NACC2: variants seen among roughly 807,000 people sequenced by gnomAD.
The protein encoded by NACC2 is NACC family member 2, also known as nucleus accumbens-associated protein 2.
Under a neutral mutation model 25.1 loss-of-function variants are expected in NACC2, and 8 were observed. The observed-to-expected ratio is 0.32, with a 90% CI of 0.19 to 0.57. The LOEUF (loss-of-function observed/expected upper bound fraction) is 0.57, where lower values mean the gene tolerates loss of function less well. Ranked by LOEUF, NACC2 falls within the 20% of genes least tolerant of loss-of-function variation. NACC2 has a pLI of 0.89. For missense variants in NACC2, 644 were observed against 650.2 expected (o/e 0.99, Z 0.10); for synonymous variants, 435 against 294.7 (o/e 1.48, Z -4.88).
At position 136,086,463 on chromosome 9, in the gene NACC2, C is replaced by T. The variant is rs1441380606; in HGVS notation, c.-60+8726G>A. On this transcript the variant is annotated intron_variant, in intron 1 of 5. Transcript: ENST00000277554. This position sits in a 1 kb window ranked among gnomAD's most constrained non-coding sequence, Gnocchi z 5.6. ...CAGGTCTGCGAGCGGCTGGGCTTCC[C>T]TGAGGTCTGGCTTGGTGTGGGCCCC... is the stretch of plus-strand genomic sequence containing the variant. Among the ~76,000 whole-genome samples the T allele has an allele frequency of 6.6e-6, 1 of 152,116 alleles. No individual in the cohort carries two copies. The highest frequency in any genetic ancestry group is 1.5e-5 in the Non-Finnish European group (1 of 68,006).
intron 1 of NACC2, among the ~76,000 whole-genome samples, chr9:136,057,070 G>T (rs1389610017): frequency 6.6e-6 from 1 of 152,204 alleles, no homozygotes; most frequent in Admixed American, 6.5e-5. Flanking sequence ...GGAGGGCTGG[G>T]AGGACGCTCC....
At chr9:136,058,764 C>T (rs1415828364) in intron 1 of NACC2, among the ~76,000 whole-genome samples, 1 of 152,260 alleles carries the variant, frequency 6.6e-6, no homozygotes, top group African/African-American at 2.4e-5. Flanking sequence ...TCAACTCACA[C>T]AGCACCAGAG....
At chr9:136,062,114 A>ACAGGACAG (rs1841019217) in intron 1 of NACC2, among the ~76,000 whole-genome samples, 29 of 142,558 alleles carry the variant, frequency 2.0e-4, no homozygotes, top group African/African-American at 7.2e-4. Flanking sequence ...CAACAGAGCG[A>ACAGGACAG]GACAGGACAG....
intron 1 of NACC2, among the ~76,000 whole-genome samples, chr9:136,061,379 G>A (rs1444194193): frequency 6.6e-6 from 1 of 152,108 alleles, no homozygotes; most frequent in Non-Finnish European, 1.5e-5. Context: ...TCAGATAGAG[G>A]GGTCCCCTCC....
rs982754760 is a variant in NACC2, at chr9:136,055,510, G to A, written c.-59-4930C>T. Among the ~76,000 whole-genome samples the A allele has an allele frequency of 6.6e-6, 1 of 152,114 alleles. No individual in the cohort carries two copies. The highest frequency in any genetic ancestry group is 2.4e-5 in the African/African-American group (1 of 41,416). ...GGCAGCTCCATGGTCTGAGGGCCTCGCCCAGAGTCCCCAGAAACCCTGCCC... is the reference window on the plus strand; with the variant it reads ...GGCAGCTCCATGGTCTGAGGGCCTCACCCAGAGTCCCCAGAAACCCTGCCC... On this transcript the variant is annotated intron_variant, in intron 1 of 5. Coordinates refer to ENST00000277554, the MANE Select transcript of NACC2 (RefSeq NM_144653.5). The surrounding 1 kb of genome is among the most constrained non-coding windows in gnomAD (Gnocchi z 4.9).
At chr9:136,052,574 A>G (rs1840862445) in intron 1 of NACC2, among the ~76,000 whole-genome samples, 1 of 152,124 alleles carries the variant, frequency 6.6e-6, no homozygotes, top group African/African-American at 2.4e-5. Flanking sequence ...TGGGGGCCTT[A>G]GAGCTGTGTC....
At chr9:136,044,925 G>A (rs1483713665) in intron 2 of NACC2, among the ~76,000 whole-genome samples, 29 of 152,308 alleles carry the variant, frequency 1.9e-4, no homozygotes, top group East Asian at 9.7e-4. Context: ...GGGGATGGAC[G>A]GGGCCAGTGC....
intron 2 of NACC2, among the ~76,000 whole-genome samples, chr9:136,035,178 T>C (rs1056776760): frequency 3.3e-5 from 5 of 151,974 alleles, no homozygotes; most frequent in African/African-American, 2.4e-5. Flanking sequence ...AATACTAGAA[T>C]TAATGGATGG....
At chr9:136,062,114 A>ACAGGACAGGACAGGACAGGACAG (rs1841019217) in intron 1 of NACC2, among the ~76,000 whole-genome samples, 1 of 142,450 alleles carries the variant, frequency 7.0e-6, no homozygotes, top group African/African-American at 2.7e-5. Context: ...CAACAGAGCG[A>ACAGGACAGGACAGGACAGGACAG]GACAGGACAG....
chr9:136,094,985 G>A (rs1257105301), intron 1 of NACC2, among the ~76,000 whole-genome samples: 2 of 146,052 alleles, frequency 1.4e-5, no homozygotes, highest in Non-Finnish European at 3.0e-5. Flanking sequence ...CCCCCTCCGC[G>A]GGCTCCCGAG....
At chr9:136,067,152 G>C (rs190894418) in intron 1 of NACC2, among the ~76,000 whole-genome samples, 7 of 152,172 alleles carry the variant, frequency 4.6e-5, no homozygotes, top group Non-Finnish European at 1.0e-4. Context: ...TACTCGGGAG[G>C]CTGAGGCAGG....
chr9:136,034,594 GGCTAGGAACCAGAAAGTCTA>G (rs1840524543), intron 2 of NACC2, among the ~76,000 whole-genome samples: 1 of 152,004 alleles, frequency 6.6e-6, no homozygotes, highest in African/African-American at 2.4e-5. Flanking sequence ...CTGATTCTAG[GGCTAGGAACCAGAAAGTCTA>G]GGATGCGCCT....
At chr9:136,049,071 A>G (rs1276006245) in intron 2 of NACC2, among the ~76,000 whole-genome samples, 2 of 152,212 alleles carry the variant, frequency 1.3e-5, no homozygotes, top group African/African-American at 4.8e-5. Flanking sequence ...GGAATCTCCA[A>G]TTAGGGCAAC....
At position 136,013,168 on chromosome 9, in the gene NACC2, C is replaced by CCCCCCCCCCCCAG; in HGVS notation, c.1255+30_1255+31insCTGGGGGGGGGGG. ...CTGGGATCTGAACCCAGCCCCGGCC[C>CCCCCCCCCCCCAG]CACCCACCCGAGAGACCCCCAGGCT... On this transcript the variant is annotated intron_variant, in intron 5 of 5. Transcript: ENST00000277554. This position sits in a 1 kb window ranked among gnomAD's most constrained non-coding sequence, Gnocchi z 6.6. 2 of 1,009,254 alleles carry CCCCCCCCCCCCAG rather than the reference C, an allele frequency of 2.0e-6. No homozygotes were observed. Among genetic ancestry groups the CCCCCCCCCCCCAG allele is most frequent in the Non-Finnish European group, 3.1e-6 (2 of 637,930 alleles). 62.5% of individuals were successfully genotyped at this position (1,009,254 alleles called of 1,614,324 possible).
At chr9:136,091,400 G>A (rs1370117962) in intron 1 of NACC2, among the ~76,000 whole-genome samples, 1 of 152,200 alleles carries the variant, frequency 6.6e-6, no homozygotes, top group Non-Finnish European at 1.5e-5. Context: ...GGTTCTGGCT[G>A]CCAAGTGCTC....
chr9:136,011,704 AGGC>A lies in NACC2; in HGVS notation c.1573_1575del (p.Ala525del). 1 of 1,502,038 alleles carries A rather than the reference AGGC, an allele frequency of 6.7e-7. No homozygotes were observed. The highest frequency in any genetic ancestry group is 8.9e-7 in the Non-Finnish European group (1 of 1,127,790). 93.0% of individuals were successfully genotyped at this position (1,502,038 alleles called of 1,614,324 possible). A position where few individuals can be genotyped will look rare whatever the true frequency, so the allele number is the denominator to read the frequency against. The stretch of plus-strand genomic sequence containing the variant: ...CCGTCCACCTCCTCGCCGGCGTCGA[AGGC>A]GGGGTTGGCGGCGGCACTCAGGTCA... On this transcript the variant is annotated inframe_deletion, in exon 6 of 6. Coordinates refer to ENST00000277554, the MANE Select transcript of NACC2 (RefSeq NM_144653.5).
chr9:136,083,570 G>T (rs1193098673), intron 1 of NACC2, among the ~76,000 whole-genome samples: 1 of 152,256 alleles, frequency 6.6e-6, no homozygotes, highest in East Asian at 1.9e-4. Flanking sequence ...TCTGAGAAGG[G>T]AAAACGCGGA....
intron 3 of NACC2, among the ~76,000 whole-genome samples, chr9:136,014,990 G>T (rs959787199): frequency 7.1e-4 from 8 of 11,306 alleles, no homozygotes; most frequent in African/African-American, 2.1e-3. Context: ...TGTCCTGAAG[G>T]ACACGATGTC....
In NACC2 at chr9:136,013,097, G is replaced by C; in HGVS notation, c.1255+102C>G. On this transcript the variant is annotated intron_variant, in intron 5 of 5. Coordinates refer to ENST00000277554, the MANE Select transcript of NACC2 (RefSeq NM_144653.5). This position sits in a 1 kb window ranked among gnomAD's most constrained non-coding sequence, Gnocchi z 6.6. Reference sequence around the variant, plus strand: ...TGCTCGGCCCCCAGGGACGGAAGCTGCAGGTGGCCGGGAGCACCCCCGCGG... The same window carrying C: ...TGCTCGGCCCCCAGGGACGGAAGCTCCAGGTGGCCGGGAGCACCCCCGCGG... The C allele has an allele frequency of 1.1e-6, 1 of 921,546 alleles. No individual in the cohort carries two copies. Among genetic ancestry groups the C allele is most frequent in the Non-Finnish European group, 1.7e-6 (1 of 597,474 alleles). 57.1% of individuals were successfully genotyped at this position (921,546 alleles called of 1,614,324 possible).
Sources: allele counts gnomAD v4.1 joint callset (sites outside exome capture counted in the v4.1 genomes callset), GRCh38; gene constraint gnomAD v4.1.1; non-coding constraint Gnocchi (gnomAD v3.1); transcripts MANE v1.5; gene names NCBI Gene and HGNC (gene_info 2026-07-23, HGNC 2026-07-21).